SLC17A5: variants seen among roughly 807,000 people sequenced by gnomAD.
SLC17A5 encodes solute carrier family 17 member 5, also known as sialin.
A neutral mutation model predicts 59.4 loss-of-function variants in SLC17A5; 47 were observed. That is an observed-to-expected ratio of 0.79 (90% CI 0.63 to 1.01). The LOEUF is 1.01. Among genes scored for constraint, SLC17A5 ranks in the 50% least tolerant of loss-of-function variants. The pLI, the probability that SLC17A5 is intolerant of heterozygous loss-of-function variation, is 0.00. For synonymous variants in SLC17A5, 202 were observed against 210.7 expected, an observed-to-expected ratio of 0.96 and a Z score of 0.36; for missense variants, 522 against 595.5, an observed-to-expected ratio of 0.88 and a Z score of 1.28.
At chr6:73,604,842 A>G (rs1767322245) in intron 9 of SLC17A5, among the ~76,000 whole-genome samples, 2 of 152,210 alleles carry the variant, frequency 1.3e-5, no homozygotes, top group Admixed American at 1.3e-4. Context: ...TTATATGTTA[A>G]TAGGAATATT....
intron 10 of SLC17A5, among the ~76,000 whole-genome samples, chr6:73,598,264 T>C (rs1474220828): frequency 1.3e-5 from 2 of 152,236 alleles, no homozygotes; most frequent in Admixed American, 6.5e-5. Context: ...CAGACACACT[T>C]TGAATTTTAA....
chr6:73,622,603 T>G (rs1448171270), intron 6 of SLC17A5, among the ~76,000 whole-genome samples: 1 of 152,222 alleles, frequency 6.6e-6, no homozygotes, highest in East Asian at 1.9e-4. Flanking sequence ...ATTCTCTATT[T>G]CTAAAATATA....
At position 73,621,839 on chromosome 6, in the gene SLC17A5, AAGT is replaced by A. The variant is rs1561992648; in HGVS notation, c.940_942del (p.Thr314del). 6.2e-7 allele frequency: 1 copy of A among 1,612,650 alleles called. No homozygotes were observed. Among genetic ancestry groups the A allele is most frequent in the Non-Finnish European group, 8.5e-7 (1 of 1,178,692 alleles). On this transcript the variant is annotated inframe_deletion, in exon 7 of 11. Coordinates refer to ENST00000355773, the MANE Select transcript of SLC17A5 (RefSeq NM_012434.5). ...TTGAACCTTAGGATCTCCTTCATAT[AAGT>A]AGGCAATAATGTCAATAAAGTATAA...
chr6:73,634,837 A>G (rs1353752720), intron 6 of SLC17A5, among the ~76,000 whole-genome samples: 1 of 152,200 alleles, frequency 6.6e-6, no homozygotes, highest in African/African-American at 2.4e-5. Context: ...TTTGGGATGT[A>G]CAACTGTATA....
chr6:73,633,982 C>T (rs983474228), intron 6 of SLC17A5, among the ~76,000 whole-genome samples: 60 of 152,172 alleles, frequency 3.9e-4, no homozygotes, highest in African/African-American at 1.4e-3. Context: ...GACTTTGAAG[C>T]CAACAAGAAT....
chr6:73,641,333 C>G (rs1769274591), intron 3 of SLC17A5, among the ~76,000 whole-genome samples: 1 of 152,162 alleles, frequency 6.6e-6, no homozygotes, highest in Admixed American at 6.5e-5. Flanking sequence ...CCTACCTTGG[C>G]CTCCCAAAAT....
At chr6:73,600,480 C>T (rs371089728) in intron 9 of SLC17A5, 39 bp from the exon 10 acceptor site, 3 of 1,191,786 alleles carry the variant, frequency 2.5e-6, no homozygotes, top group African/African-American at 1.5e-5. Context: ...TATTGTGATA[C>T]ACATTTAAAC....
chr6:73,647,962 G>A (rs1049051062), intron 1 of SLC17A5, among the ~76,000 whole-genome samples: 6 of 152,208 alleles, frequency 3.9e-5, no homozygotes, highest in African/African-American at 7.2e-5. Context: ...CCAGCTACTC[G>A]GGAGGTTGAG....
At chr6:73,619,263 C>T (rs559011218) in intron 7 of SLC17A5, among the ~76,000 whole-genome samples, 9 of 152,240 alleles carry the variant, frequency 5.9e-5, no homozygotes, top group South Asian at 2.1e-4. Context: ...ATGGTGCTAA[C>T]GGATTTGCTC....
At chr6:73,606,999 G>C (rs1232169398) in intron 9 of SLC17A5, among the ~76,000 whole-genome samples, 2 of 152,144 alleles carry the variant, frequency 1.3e-5, no homozygotes, top group Admixed American at 1.3e-4. Flanking sequence ...TGACCCAATG[G>C]TGGCTCTTTA....
intron 6 of SLC17A5, among the ~76,000 whole-genome samples, chr6:73,631,163 T>C (rs182550476): frequency 1.3e-5 from 2 of 151,236 alleles, no homozygotes; most frequent in Admixed American, 1.3e-4. Context: ...GGCCACTCTA[T>C]GAGCATGCTG....
At chr6:73,595,954 ATATATACATATACATATATATATATATT>A (rs1243434325) in intron 10 of SLC17A5, among the ~76,000 whole-genome samples, 2 of 5,766 alleles carry the variant, frequency 3.5e-4, no homozygotes, top group African/African-American at 1.5e-3. Flanking sequence ...ATATACGTAT[ATATATACATATACATATATATATATATT>A]TTTGGTAGAG....
At chr6:73,599,398 A>T (rs1046595354) in intron 10 of SLC17A5, among the ~76,000 whole-genome samples, 2 of 152,074 alleles carry the variant, frequency 1.3e-5, no homozygotes, top group Non-Finnish European at 2.9e-5. Flanking sequence ...TTTTAATAGC[A>T]TTAAACAAAT....
At chr6:73,633,930 A>G (rs1215091201) in intron 6 of SLC17A5, among the ~76,000 whole-genome samples, 1 of 152,010 alleles carries the variant, frequency 6.6e-6, no homozygotes, top group Non-Finnish European at 1.5e-5. Flanking sequence ...ACAATTTAAT[A>G]GGAAAAGTCT....
intron 8 of SLC17A5, among the ~76,000 whole-genome samples, chr6:73,610,913 A>G (rs995577043): frequency 2.6e-5 from 4 of 152,204 alleles, no homozygotes; most frequent in African/African-American, 9.6e-5. Context: ...AAGGAGATAA[A>G]CTGAATAATA....
chr6:73,616,600 GGA>G (rs562239558), intron 7 of SLC17A5, among the ~76,000 whole-genome samples: 73 of 148,198 alleles, frequency 4.9e-4, no homozygotes, highest in African/African-American at 1.8e-3. Flanking sequence ...TAACAGAACT[GGA>G]GAGTCTTTTT....
At chr6:73,630,851 A>G (rs997477554) in intron 6 of SLC17A5, among the ~76,000 whole-genome samples, 4 of 152,134 alleles carry the variant, frequency 2.6e-5, no homozygotes, top group African/African-American at 9.7e-5. Context: ...GTTCGAGACC[A>G]GCCTGACCAA....
intron 8 of SLC17A5, among the ~76,000 whole-genome samples, chr6:73,614,074 T>C (rs1306993476): frequency 1.3e-5 from 2 of 152,310 alleles, no homozygotes; most frequent in Middle Eastern, 3.4e-3. Context: ...AAGACCAGCC[T>C]GGACAACGTG....
At chr6:73,611,869 TGTC>T (rs1767652756) in intron 8 of SLC17A5, among the ~76,000 whole-genome samples, 1 of 152,006 alleles carries the variant, frequency 6.6e-6, no homozygotes, top group Admixed American at 6.5e-5. Flanking sequence ...AGGGTCTCAC[TGTC>T]GTCAGGCTGG....
Sources: gnomAD v4.1 joint callset for allele counts (sites outside exome capture counted in the v4.1 genomes callset) on GRCh38, gnomAD v4.1.1 for gene constraint, MANE v1.5 for transcripts, NCBI Gene and HGNC (gene_info 2026-07-23, HGNC 2026-07-21) for gene names.